AFAP1L2: variants seen among roughly 807,000 people sequenced by gnomAD.
AFAP1L2 encodes the protein actin filament associated protein 1 like 2, also known as actin filament-associated protein 1-like 2.
A neutral mutation model predicts 99.3 loss-of-function variants in AFAP1L2; 46 were observed. That is an observed-to-expected ratio of 0.46 (90% CI 0.37 to 0.59). The LOEUF is 0.59. Among genes scored for constraint, AFAP1L2 ranks in the 20% least tolerant of loss-of-function variants. The pLI is 0.00. For missense variants in AFAP1L2, 959 were observed against 1,034.9 expected (o/e 0.93, Z 1.01); for synonymous variants, 397 against 419.1 (o/e 0.95, Z 0.64).
chr10:114,301,392 GCTC>G lies in AFAP1L2; in HGVS notation c.1501_1503del (p.Glu501del), dbSNP rs1751952160. On this transcript the variant is annotated inframe_deletion, in exon 13 of 19. Coordinates refer to ENST00000304129, the MANE Select transcript of AFAP1L2 (RefSeq NM_001001936.3). ...TCTGACAGGTCCACGTCGTCATACA[GCTC>G]CTCCTGGCGGTCCTGGCTAGGCAGG... The G allele has an allele frequency of 1.9e-6, 3 of 1,614,118 alleles. No homozygotes were observed. In the South Asian group the frequency reaches 3.3e-5, roughly 18 times the overall value.
intron 1 of AFAP1L2, among the ~76,000 whole-genome samples, chr10:114,368,380 T>G (rs1412430305): frequency 1.3e-5 from 2 of 152,144 alleles, no homozygotes; most frequent in Admixed American, 1.3e-4. Flanking sequence ...AGCAACTGAC[T>G]ATAGTTAATA....
intron 1 of AFAP1L2, among the ~76,000 whole-genome samples, chr10:114,396,416 G>A (rs1354612447): frequency 6.6e-6 from 1 of 152,216 alleles, no homozygotes; most frequent in Non-Finnish European, 1.5e-5. Flanking sequence ...CCGCTGGCCT[G>A]GTGCAGTGAC....
intron 1 of AFAP1L2, among the ~76,000 whole-genome samples, chr10:114,402,818 T>C (rs1400736151): frequency 1.3e-5 from 2 of 152,174 alleles, no homozygotes; most frequent in Non-Finnish European, 2.9e-5. Context: ...TTTGAGAAAG[T>C]AGCTTGCAAC....
intron 1 of AFAP1L2, among the ~76,000 whole-genome samples, chr10:114,364,331 C>A (rs1052010141): frequency 2.0e-5 from 3 of 152,210 alleles, no homozygotes; most frequent in African/African-American, 7.2e-5. Flanking sequence ...GATGTTTATT[C>A]TCTCGCGGTT....
intron 11 of AFAP1L2, 45 bp downstream of exon 11, chr10:114,304,674 C>G (rs200440623): frequency 6.6e-7 from 1 of 1,512,294 alleles, no homozygotes; most frequent in South Asian, 1.2e-5. Flanking sequence ...CAGCCACCAC[C>G]GCCACACCCT....
intron 1 of AFAP1L2, among the ~76,000 whole-genome samples, chr10:114,357,597 G>GCT (rs2051589566): frequency 1.3e-5 from 2 of 151,952 alleles, no homozygotes; most frequent in African/African-American, 2.4e-5. Context: ...GTGAGTATCG[G>GCT]CTCTCTCTCT....
At chr10:114,311,863 C>G (rs1249774532) in intron 7 of AFAP1L2, among the ~76,000 whole-genome samples, 3 of 152,232 alleles carry the variant, frequency 2.0e-5, no homozygotes, top group Non-Finnish European at 4.4e-5. Flanking sequence ...AGAATTGGGA[C>G]ACAGAGGTCC....
At chr10:114,302,243 C>T in intron 12 of AFAP1L2, 96 bp downstream of exon 12, 1 of 1,534,396 alleles carries the variant, frequency 6.5e-7, no homozygotes, top group Non-Finnish European at 9.0e-7. Context: ...GGGGTGGGAC[C>T]CTGTGCTCCC....
intron 1 of AFAP1L2, among the ~76,000 whole-genome samples, chr10:114,403,289 T>C (rs1211925174): frequency 6.6e-6 from 1 of 152,144 alleles, no homozygotes; most frequent in African/African-American, 2.4e-5. Flanking sequence ...CCTTCACCAG[T>C]AACCAGGCTA....
At chr10:114,386,625 T>C (rs1237156167) in intron 1 of AFAP1L2, among the ~76,000 whole-genome samples, 1 of 152,086 alleles carries the variant, frequency 6.6e-6, no homozygotes, top group African/African-American at 2.4e-5. Flanking sequence ...AGCCCTGCCC[T>C]ACCCAGGCAG....
chr10:114,354,495 C>T (rs1164776863), intron 1 of AFAP1L2, among the ~76,000 whole-genome samples: 1 of 152,120 alleles, frequency 6.6e-6, no homozygotes, highest in African/African-American at 2.4e-5. Context: ...AATGAGAGGA[C>T]CTATCCCATA....
At chr10:114,329,479 G>C (rs947129851) in intron 4 of AFAP1L2, among the ~76,000 whole-genome samples, 1 of 152,188 alleles carries the variant, frequency 6.6e-6, no homozygotes, top group African/African-American at 2.4e-5. Flanking sequence ...GCTGCCCCTG[G>C]TGGGGCAGAA....
In AFAP1L2 at chr10:114,308,547, C is replaced by T. The variant is rs368250252; in HGVS notation, c.883-30G>A. On this transcript the variant is annotated intron_variant, in intron 8 of 18. Transcript: ENST00000304129. ...GGACAAAAGCGACATGAATGGGGAT[C>T]ACTGGCTGGGAACAGTTACCTTGGA... 65 of 1,597,286 alleles carry T rather than the reference C, an allele frequency of 4.1e-5. No homozygotes were observed. In the African/African-American group the frequency reaches 7.8e-4, roughly 19 times the overall value.
chr10:114,296,947 G>A (rs1564766931), intron 18 of AFAP1L2, 31 bp downstream of exon 18: 13 of 1,613,698 alleles, frequency 8.1e-6, no homozygotes, highest in Non-Finnish European at 1.1e-5. Context: ...ATTTCTGCTG[G>A]CCCCAAGGGA....
At chr10:114,319,878 T>C (rs567416048) in intron 5 of AFAP1L2, among the ~76,000 whole-genome samples, 23 of 152,284 alleles carry the variant, frequency 1.5e-4, no homozygotes, top group African/African-American at 4.8e-4. Context: ...GAGATGACCA[T>C]GTGACTACTT....
intron 5 of AFAP1L2, among the ~76,000 whole-genome samples, chr10:114,322,557 A>G (rs2135194999): frequency 6.6e-6 from 1 of 152,294 alleles, no homozygotes; most frequent in South Asian, 2.1e-4. Context: ...GCTATCAGAG[A>G]AGCCTTCCCT....
chr10:114,333,107 C>A, intron 3 of AFAP1L2, 114 bp downstream of exon 3: 1 of 967,622 alleles, frequency 1.0e-6, no homozygotes, highest in Non-Finnish European at 1.6e-6. Flanking sequence ...ATAACTCCGC[C>A]AGGCGGGTCT....
chr10:114,374,152 GT>G (rs1385070030), intron 1 of AFAP1L2, among the ~76,000 whole-genome samples: 2 of 152,110 alleles, frequency 1.3e-5, no homozygotes, highest in Admixed American at 1.3e-4. Context: ...TTGGGAGGAT[GT>G]TTTGTCGGTT....
the AFAP1L2 span, chr10:114,285,972 T>A: frequency 6.2e-7 from 1 of 1,609,534 alleles, no homozygotes; most frequent in East Asian, 2.2e-5. Context: ...AGGGTCGACC[T>A]CCTCTTCCTG....
Sources: gnomAD v4.1 joint callset for allele counts (sites outside exome capture counted in the v4.1 genomes callset) on GRCh38, gnomAD v4.1.1 for gene constraint, MANE v1.5 for transcripts, NCBI Gene and HGNC (gene_info 2026-07-23, HGNC 2026-07-21) for gene names.